The following EYS variants were observed in gnomAD, a reference collection of about 807,000 sequenced individuals.
EYS encodes the protein protein eyes shut homolog.
Under a neutral mutation model 282.1 loss-of-function variants are expected in EYS, and 250 were observed. That is an observed-to-expected ratio of 0.89 (90% confidence interval 0.80 to 0.98). EYS has a LOEUF of 0.98. EYS is among the 50% of genes least tolerant of loss of function. The pLI is 0.00. For synonymous variants in EYS, 1,355 were observed against 1,282.9 expected (o/e 1.06, Z -1.20); for missense variants, 4,016 against 3,709.0 (o/e 1.08, Z -2.15).
chr6:64,769,781 T>C (rs1023615454), intron 22 of EYS, among the ~76,000 whole-genome samples: 6 of 151,780 alleles, frequency 4.0e-5, no homozygotes, highest in Non-Finnish European at 7.4e-5. Flanking sequence ...AACATGAGAA[T>C]AAGGTGTCAA....
intron 11 of EYS, chr6:65,332,462 G>C (rs771386330): frequency 4.4e-6 from 6 of 1,359,202 alleles, no homozygotes; most frequent in Non-Finnish European, 6.2e-6. Context: ...CTAACTTAAG[G>C]CCTAATATTT....
intron 28 of EYS, among the ~76,000 whole-genome samples, chr6:64,397,690 GA>G (rs1773422086): frequency 6.6e-6 from 1 of 151,870 alleles, no homozygotes; most frequent in Admixed American, 6.6e-5. Flanking sequence ...AATGTTGGTA[GA>G]AAGCAGAAAA....
chr6:64,399,904 A>G (rs1773490935), intron 28 of EYS, among the ~76,000 whole-genome samples: 1 of 151,958 alleles, frequency 6.6e-6, no homozygotes, highest in Non-Finnish European at 1.5e-5. Context: ...TTCTGTTAAA[A>G]TCACAATTCA....
At chr6:63,794,454 T>C (rs903431683) in intron 37 of EYS, among the ~76,000 whole-genome samples, 3 of 152,214 alleles carry the variant, frequency 2.0e-5, no homozygotes, top group African/African-American at 4.8e-5. Flanking sequence ...CTAAAAAATT[T>C]TGGAGGATCA....
intron 5 of EYS, among the ~76,000 whole-genome samples, chr6:65,426,622 T>C (rs927116071): frequency 6.6e-6 from 1 of 152,106 alleles, no homozygotes; most frequent in Non-Finnish European, 1.5e-5. Flanking sequence ...TTTTTGTCTA[T>C]CAAAGCTGAT....
chr6:64,534,166 T>A (rs1764443716), intron 26 of EYS, among the ~76,000 whole-genome samples: 1 of 151,726 alleles, frequency 6.6e-6, no homozygotes, highest in African/African-American at 2.4e-5. Context: ...TAAATTTAGA[T>A]CTCTAAATTA....
intron 5 of EYS, among the ~76,000 whole-genome samples, chr6:65,482,489 A>G (rs186707374): frequency 6.6e-6 from 1 of 152,322 alleles, no homozygotes; most frequent in East Asian, 1.9e-4. Context: ...GTCTCAAAAT[A>G]GGATTAAAGT....
At chr6:64,682,945 G>A (rs1243648191) in intron 22 of EYS, among the ~76,000 whole-genome samples, 1 of 152,086 alleles carries the variant, frequency 6.6e-6, no homozygotes, top group African/African-American at 2.4e-5. Flanking sequence ...CCAGTAACTC[G>A]GATACCTAAC....
At chr6:65,469,982 A>G (rs918169321) in intron 5 of EYS, among the ~76,000 whole-genome samples, 8 of 152,182 alleles carry the variant, frequency 5.3e-5, no homozygotes, top group Non-Finnish European at 1.0e-4. Flanking sequence ...TGGCTTTTAA[A>G]AATTGTCTAT....
At chr6:63,980,829 G>C (rs1767054879) in intron 35 of EYS, among the ~76,000 whole-genome samples, 1 of 151,886 alleles carries the variant, frequency 6.6e-6, no homozygotes, top group Non-Finnish European at 1.5e-5. Flanking sequence ...GACTGGAAGA[G>C]AGTAGAAGAT....
chr6:64,991,552 A>G (rs1248310458), intron 14 of EYS, among the ~76,000 whole-genome samples: 1 of 151,670 alleles, frequency 6.6e-6, no homozygotes, highest in Non-Finnish European at 1.5e-5. Flanking sequence ...AGCCTCTAAG[A>G]GAAGCTATAA....
intron 35 of EYS, among the ~76,000 whole-genome samples, chr6:63,939,116 T>C (rs1765157662): frequency 6.6e-6 from 1 of 151,434 alleles, no homozygotes; most frequent in Non-Finnish European, 1.5e-5. Context: ...CCAGACAAGC[T>C]TCTTTGTGAG....
chr6:64,781,621 C>A (rs1231441556), intron 22 of EYS, among the ~76,000 whole-genome samples: 1 of 151,344 alleles, frequency 6.6e-6, no homozygotes, highest in Non-Finnish European at 1.5e-5. Flanking sequence ...GAGGCCATGA[C>A]CACACAACAA....
intron 28 of EYS, among the ~76,000 whole-genome samples, chr6:64,418,409 TG>T (rs1483638370): frequency 2.6e-5 from 4 of 152,148 alleles, no homozygotes; most frequent in African/African-American, 9.7e-5. Context: ...AGCACTAAAG[TG>T]AGTTTTTTCT....
intron 26 of EYS, among the ~76,000 whole-genome samples, chr6:64,535,735 G>C (rs532740189): frequency 3.8e-4 from 58 of 151,482 alleles, no homozygotes; most frequent in Non-Finnish European, 7.4e-4. Flanking sequence ...GCCAGACCCT[G>C]TCTCAAAATA....
At chr6:63,755,510 C>T (rs1365675907) in intron 41 of EYS, among the ~76,000 whole-genome samples, 5 of 152,232 alleles carry the variant, frequency 3.3e-5, no homozygotes, top group East Asian at 1.9e-4. Flanking sequence ...GGTACCAGTA[C>T]CATGCTGTTT....
intron 30 of EYS, among the ~76,000 whole-genome samples, chr6:64,272,978 A>G (rs1420310477): frequency 6.6e-6 from 1 of 152,034 alleles, no homozygotes; most frequent in East Asian, 1.9e-4. Flanking sequence ...TCATTCCCTT[A>G]ATGTTTTTGT....
At chr6:64,848,581 T>C (rs919327360) in intron 19 of EYS, among the ~76,000 whole-genome samples, 3 of 152,046 alleles carry the variant, frequency 2.0e-5, no homozygotes, top group Middle Eastern at 3.2e-3. Context: ...AATTATGACA[T>C]ATAGTTTGTT....
chr6:63,735,472 C>T (rs1323266110), intron 41 of EYS, among the ~76,000 whole-genome samples: 1 of 151,042 alleles, frequency 6.6e-6, no homozygotes, highest in African/African-American at 2.4e-5. Flanking sequence ...CTCTGTCTTC[C>T]TGTGTCTCTG....
Sources: allele counts gnomAD v4.1 joint callset (sites outside exome capture counted in the v4.1 genomes callset), GRCh38; gene constraint gnomAD v4.1.1; transcripts MANE v1.5; gene names NCBI Gene and HGNC (gene_info 2026-07-23, HGNC 2026-07-21).